USP33: variants seen among roughly 807,000 people sequenced by gnomAD.
USP33 encodes ubiquitin specific peptidase 33.
A neutral mutation model predicts 124.2 loss-of-function variants in USP33; 46 were observed. The ratio of observed to expected loss-of-function variants is 0.37; its 90% CI spans 0.29 to 0.47. USP33 has a LOEUF of 0.47. Ranked by LOEUF, USP33 falls within the 20% of genes least tolerant of loss-of-function variation. The pLI is 0.99. For synonymous variants in USP33, 350 were observed against 352.3 expected, an observed-to-expected ratio of 0.99 and a Z score of 0.07; for missense variants, 851 against 1,070.6, an observed-to-expected ratio of 0.79 and a Z score of 2.86.
chr1:77,705,015 T>A (rs989984213), intron 21 of USP33, among the ~76,000 whole-genome samples: 1 of 151,866 alleles, frequency 6.6e-6, no homozygotes, highest in African/African-American at 2.4e-5. Context: ...TCTGATCCTA[T>A]CTGCTTTTTC....
chr1:77,717,256 G>A (rs560361365), intron 17 of USP33, among the ~76,000 whole-genome samples: 3 of 152,190 alleles, frequency 2.0e-5, no homozygotes, highest in African/African-American at 4.8e-5. Context: ...TCGGGAGGCC[G>A]AGGCGGGCAG....
At chr1:77,720,122 T>C (rs1676396337) in intron 15 of USP33, among the ~76,000 whole-genome samples, 2 of 116,980 alleles carry the variant, frequency 1.7e-5, no homozygotes, top group African/African-American at 6.8e-5. Context: ...ATCATGCTAC[T>C]GAATCTTCAG....
At chr1:77,701,736 C>G (rs1265146280) in intron 21 of USP33, 1 of 253,966 alleles carries the variant, frequency 3.9e-6, no homozygotes, top group Non-Finnish European at 7.4e-6. Context: ...ATGGCACGAT[C>G]TGGGCTCACT....
intron 21 of USP33, among the ~76,000 whole-genome samples, chr1:77,702,141 CAAAAAAAAAAAAAAAAAAAA>C (rs58750531): frequency 3.2e-4 from 5 of 15,784 alleles, no homozygotes; most frequent in South Asian, 6.1e-3. Flanking sequence ...GACCCTGTCT[CAAAAAAAAAAAAAAAAAAAA>C]AAAAAAAAAA....
intron 1 of USP33, among the ~76,000 whole-genome samples, chr1:77,754,927 T>C (rs1294292716): frequency 2.0e-5 from 3 of 152,238 alleles, no homozygotes; most frequent in Non-Finnish European, 4.4e-5. Context: ...TTAATTAGCA[T>C]TTCCTATAAA....
At chr1:77,731,270 G>A (rs1207051078) in intron 7 of USP33, among the ~76,000 whole-genome samples, 2 of 152,104 alleles carry the variant, frequency 1.3e-5, no homozygotes, top group Non-Finnish European at 2.9e-5. Context: ...AAACTAAACA[G>A]GATAAAAATT....
intron 1 of USP33, among the ~76,000 whole-genome samples, chr1:77,751,977 C>T (rs549408479): frequency 1.4e-4 from 21 of 150,024 alleles, no homozygotes; most frequent in African/African-American, 3.4e-4. Flanking sequence ...CTTGAGCCAC[C>T]GCGCCGCGCC....
At chr1:77,729,194 T>C (rs1047949188) in intron 9 of USP33, among the ~76,000 whole-genome samples, 2 of 152,052 alleles carry the variant, frequency 1.3e-5, no homozygotes, top group Non-Finnish European at 2.9e-5. Flanking sequence ...GCATGAGCCA[T>C]CACGCCCAGC....
At chr1:77,711,999 T>C (rs1442331789) in intron 20 of USP33, 144 bp from the exon 21 acceptor site, 2 of 749,068 alleles carry the variant, frequency 2.7e-6, no homozygotes, top group Admixed American at 3.5e-5. Flanking sequence ...TAAGGACTTG[T>C]TATTATGTTT....
chr1:77,755,118 T>C (rs962880221), intron 1 of USP33, among the ~76,000 whole-genome samples: 3 of 152,182 alleles, frequency 2.0e-5, no homozygotes, highest in Non-Finnish European at 4.4e-5. Flanking sequence ...AGTCTCACTT[T>C]TGAGCAAGAT....
intron 10 of USP33, among the ~76,000 whole-genome samples, chr1:77,727,352 G>A (rs1677288494): frequency 6.6e-6 from 1 of 152,140 alleles, no homozygotes; most frequent in African/African-American, 2.4e-5. Flanking sequence ...TCCCTAATCA[G>A]GCTTAACTGG....
At chr1:77,725,522 A>T (rs576107658) in intron 11 of USP33, 100 bp downstream of exon 11, 1 of 1,443,146 alleles carries the variant, frequency 6.9e-7, no homozygotes, top group African/African-American at 1.4e-5. Flanking sequence ...AAAAGATCAA[A>T]TCATATTTCA....
At chr1:77,750,318 C>CA (rs940652232) in intron 1 of USP33, among the ~76,000 whole-genome samples, 1 of 148,218 alleles carries the variant, frequency 6.7e-6, no homozygotes, top group Non-Finnish European at 1.5e-5. Context: ...GCTCCATCTC[C>CA]AAAAAAAGAA....
At chr1:77,755,652 C>T (rs1441027085) in intron 1 of USP33, among the ~76,000 whole-genome samples, 2 of 152,176 alleles carry the variant, frequency 1.3e-5, no homozygotes, top group African/African-American at 2.4e-5. Flanking sequence ...GAGCCAAGAT[C>T]GCACCACTGC....
intron 12 of USP33, among the ~76,000 whole-genome samples, chr1:77,722,772 T>C (rs529647020): frequency 6.6e-6 from 1 of 152,242 alleles, no homozygotes; most frequent in Non-Finnish European, 1.5e-5. Context: ...ATATTCATCA[T>C]TGCACTAAAG....
chr1:77,723,435 C>A lies in USP33; in HGVS notation c.1285G>T (p.Ala429Ser), dbSNP rs1676800441. 9.3e-6 allele frequency: 15 copies of A among 1,604,946 alleles called. No individual in the cohort carries two copies. Among genetic ancestry groups the A allele is most frequent in the Non-Finnish European group, 1.2e-5 (14 of 1,174,442 alleles). ...LAPPHKKAQSASPKRKKQHKK... is the reference protein window; with the variant it reads ...LAPPHKKAQSSSPKRKKQHKK... ...TGCTGTTTTTTTCTCTTTGGAGATGCAGACTGAGCTAGGATTGAAAAACAT... is the reference window on the plus strand; with the variant it reads ...TGCTGTTTTTTTCTCTTTGGAGATGAAGACTGAGCTAGGATTGAAAAACAT... The change falls in exon 12 of 24, where the codon GCA becomes TCA. Residue 429 changes from alanine to serine, a missense_variant. Physicochemically the swap from Ala to Ser is moderately conservative, Grantham distance 99. Coordinates refer to ENST00000370794, the MANE Select transcript of USP33 (RefSeq NM_201624.3).
At chr1:77,745,248 C>T (rs1405022220) in intron 1 of USP33, among the ~76,000 whole-genome samples, 2 of 152,110 alleles carry the variant, frequency 1.3e-5, no homozygotes, top group African/African-American at 4.8e-5. Context: ...ATTGCAAACC[C>T]TGCTTTTTTG....
chr1:77,718,649 G>A lies in USP33; in HGVS notation c.1692-8C>T, dbSNP rs2101348977. 1 of 1,597,094 alleles carries A rather than the reference G, an allele frequency of 6.3e-7. No homozygotes were observed. The highest frequency in any genetic ancestry group is 8.5e-7 in the Non-Finnish European group (1 of 1,169,866). On this transcript the variant is annotated splice_region_variant and splice_polypyrimidine_tract_variant and intron_variant, in intron 15 of 23. Coordinates refer to ENST00000370794, the MANE Select transcript of USP33 (RefSeq NM_201624.3). ...TTCACTCCATTTCTCAACCTAAGGG[G>A]AGAAAAGAGAAAATCAATTAGTCTA... is the stretch of plus-strand genomic sequence containing the variant.
chr1:77,743,236 C>T (rs542189983), intron 1 of USP33, among the ~76,000 whole-genome samples: 4 of 152,058 alleles, frequency 2.6e-5, no homozygotes, highest in Non-Finnish European at 5.9e-5. Flanking sequence ...TGAGCCACTG[C>T]GCCTGGCCTC....
Sources: gnomAD v4.1 joint callset for allele counts (sites outside exome capture counted in the v4.1 genomes callset) on GRCh38, gnomAD v4.1.1 for gene constraint, MANE v1.5 for transcripts, NCBI Gene and HGNC (gene_info 2026-07-23, HGNC 2026-07-21) for gene names.